PALM2AKAP2: variants seen among roughly 807,000 people sequenced by gnomAD.
PALM2AKAP2 encodes PALM2-AKAP2 fusion protein.
Under a neutral mutation model 71.5 loss-of-function variants are expected in PALM2AKAP2, and 37 were observed. The ratio of observed to expected loss-of-function variants is 0.52; its 90% CI spans 0.40 to 0.68. The LOEUF is 0.68. Ranked by LOEUF, PALM2AKAP2 falls within the 30% of genes least tolerant of loss-of-function variation. PALM2AKAP2 has a pLI of 0.00. For missense variants in PALM2AKAP2, 1,224 were observed against 1,191.8 expected (o/e 1.03, Z -0.40); for synonymous variants, 468 against 478.8 (o/e 0.98, Z 0.29).
At chr9:109,859,649 A>G (rs1829260549) in intron 1 of PALM2AKAP2, among the ~76,000 whole-genome samples, 2 of 152,246 alleles carry the variant, frequency 1.3e-5, no homozygotes, top group Non-Finnish European at 2.9e-5. Context: ...GCTCAAGTCC[A>G]AATAATCAGT....
chr9:110,015,931 G>T, intron 6 of PALM2AKAP2, 23 bp from the exon 7 acceptor site: 2 of 1,606,392 alleles, frequency 1.2e-6, no homozygotes, highest in Admixed American at 1.7e-5. Context: ...TGGCTCAAAT[G>T]GCACTTCTTT....
At chr9:109,940,629 G>A (rs117927472) in intron 6 of PALM2AKAP2, among the ~76,000 whole-genome samples, 1 of 152,072 alleles carries the variant, frequency 6.6e-6, no homozygotes, top group Non-Finnish European at 1.5e-5. Context: ...ACAATGACAA[G>A]CAGATGGGCT....
At chr9:109,780,317 A>G, upstream of PALM2AKAP2, 1 of 1,381,694 alleles carries the variant, frequency 7.2e-7, no homozygotes, top group Non-Finnish European at 9.4e-7. Context: ...AGCCCGGGCG[A>G]GCCCGCCGTG....
chr9:110,017,768 G>A lies in PALM2AKAP2; in HGVS notation c.582+1729G>A, dbSNP rs148930160. Among the ~76,000 whole-genome samples, 816 of 148,446 alleles carry A rather than the reference G, an allele frequency of 5.5e-3. 7 individuals are homozygous for A. The highest frequency in any genetic ancestry group is 0.034 in the Middle Eastern group (10 of 290). On this transcript the variant is annotated intron_variant, in intron 7 of 9. Coordinates refer to the PALM2AKAP2 transcript ENST00000302798. ...TTTTAAGACGGAGTCTTGCTGTGTC[G>A]CCAGGCTGGAGTGCAGTAGCGCAGA...
chr9:109,706,324 A>G (rs982421789), intron 1 of PALM2AKAP2, among the ~76,000 whole-genome samples: 5 of 152,162 alleles, frequency 3.3e-5, no homozygotes, highest in African/African-American at 1.2e-4. Flanking sequence ...GATATTCACT[A>G]CCATGGCAAA....
chr9:109,650,079 T>C (rs944790728), intron 1 of PALM2AKAP2, among the ~76,000 whole-genome samples: 11 of 152,180 alleles, frequency 7.2e-5, no homozygotes, highest in Non-Finnish European at 1.3e-4. Context: ...AGGTTTTCAG[T>C]TTTCGGGTTT....
upstream of PALM2AKAP2, among the ~76,000 whole-genome samples, chr9:110,045,496 A>G (rs1833580017): frequency 6.6e-6 from 1 of 152,192 alleles, no homozygotes; most frequent in Non-Finnish European, 1.5e-5. Context: ...GGGAGCTGTT[A>G]ACGCAGTTTC....
rs1309521638 is a variant in PALM2AKAP2, at chr9:109,689,292, T to G, written c.5+48426T>G. Among the ~76,000 whole-genome samples, 7 of 151,054 alleles carry G rather than the reference T, an allele frequency of 4.6e-5. No homozygotes were observed. In the Admixed American group the frequency reaches 4.6e-4, roughly 10 times the overall value. On this transcript the variant is annotated intron_variant, in intron 1 of 6. Transcript: ENST00000374531. ...ATCTCAGCTCACTGCAACCTCCGCC[T>G]GCTGGGTTCAAGCGATTCTCCTGCC...
chr9:109,918,935 A>G (rs956100528), intron 3 of PALM2AKAP2, among the ~76,000 whole-genome samples: 12 of 152,076 alleles, frequency 7.9e-5, no homozygotes, highest in Non-Finnish European at 1.5e-4. Flanking sequence ...GTTACACAGT[A>G]TCATGACCCA....
At chr9:109,641,336 T>C (rs1243080978) in intron 1 of PALM2AKAP2, among the ~76,000 whole-genome samples, 1 of 152,182 alleles carries the variant, frequency 6.6e-6, no homozygotes, top group Admixed American at 6.5e-5. Flanking sequence ...GTGGGTAATA[T>C]GAGCCAGGGC....
chr9:109,867,461 T>A (rs1347382090), intron 1 of PALM2AKAP2, 30 bp from the exon 2 acceptor site: 1 of 1,608,350 alleles, frequency 6.2e-7, no homozygotes, highest in African/African-American at 1.3e-5. Context: ...ACCCACCCAC[T>A]CTTACAGCCT....
intron 3 of PALM2AKAP2, among the ~76,000 whole-genome samples, chr9:109,907,324 T>C (rs1587999685): frequency 6.6e-6 from 1 of 152,336 alleles, no homozygotes; most frequent in South Asian, 2.1e-4. Flanking sequence ...TGCTTGATAA[T>C]GCTCGATAAA....
rs965012098 is a variant in PALM2AKAP2, at chr9:109,847,479, C to T, written c.46-20012C>T. Among the ~76,000 whole-genome samples, 20 of 152,266 alleles carry T rather than the reference C, an allele frequency of 1.3e-4. 1 individual carries two copies. The highest frequency in any genetic ancestry group is 1.1e-3 in the Admixed American group (17 of 15,280). The stretch of plus-strand genomic sequence containing the variant: ...TGTTTTCGATGGGCGTGATGGCTCA[C>T]GCCTGTAATCCCAGCACCTTGGGAG... On this transcript the variant is annotated intron_variant, in intron 1 of 9. Coordinates refer to the PALM2AKAP2 transcript ENST00000302798.
chr9:110,118,656 A>G (rs1835419324), intron 1 of PALM2AKAP2, among the ~76,000 whole-genome samples: 1 of 152,126 alleles, frequency 6.6e-6, no homozygotes, highest in Non-Finnish European at 1.5e-5. Flanking sequence ...TATTTTTTAA[A>G]TGCTTACTTC....
chr9:109,684,832 A>T (rs773730947), intron 1 of PALM2AKAP2, among the ~76,000 whole-genome samples: 1 of 152,224 alleles, frequency 6.6e-6, no homozygotes, highest in South Asian at 2.1e-4. Flanking sequence ...ATATAAGCAT[A>T]CAAAGAGTTG....
intron 1 of PALM2AKAP2, among the ~76,000 whole-genome samples, chr9:110,116,414 G>A (rs775545011): frequency 2.1e-4 from 32 of 151,992 alleles, no homozygotes; most frequent in Admixed American, 1.4e-3. Context: ...GTGCGTGTGC[G>A]CGTGCACGCG....
chr9:109,859,657 A>G (rs899397375), intron 1 of PALM2AKAP2, among the ~76,000 whole-genome samples: 1 of 152,232 alleles, frequency 6.6e-6, no homozygotes, highest in East Asian at 1.9e-4. Flanking sequence ...CCAAATAATC[A>G]GTTGAAGAAA....
At chr9:110,054,598 G>A (rs769638786) in intron 1 of PALM2AKAP2, among the ~76,000 whole-genome samples, 2 of 151,852 alleles carry the variant, frequency 1.3e-5, no homozygotes, top group Non-Finnish European at 2.9e-5. Flanking sequence ...TTTGAAACAG[G>A]GTCTCACTCT....
At chr9:110,111,512 T>C (rs903229193) in intron 1 of PALM2AKAP2, among the ~76,000 whole-genome samples, 5 of 152,192 alleles carry the variant, frequency 3.3e-5, no homozygotes, top group Admixed American at 2.0e-4. Flanking sequence ...CTTGACTAAG[T>C]TGGGAGCTGG....
Sources: gnomAD v4.1 joint callset for allele counts (sites outside exome capture counted in the v4.1 genomes callset) on GRCh38, gnomAD v4.1.1 for gene constraint, MANE v1.5 for transcripts, NCBI Gene and HGNC (gene_info 2026-07-23, HGNC 2026-07-21) for gene names.